The following RNF207 variants were observed in gnomAD, a reference collection of about 807,000 sequenced individuals.
The protein encoded by RNF207 is OTTHUMG00000001089.
A neutral mutation model predicts 79.0 loss-of-function variants in RNF207; 72 were observed. The ratio of observed to expected loss-of-function variants is 0.91; its 90% CI spans 0.75 to 1.11. The LOEUF is 1.11. Among genes scored for constraint, RNF207 ranks in the 50% least tolerant of loss-of-function variants. RNF207 has a pLI of 0.00. For missense variants in RNF207, 936 were observed against 855.8 expected (o/e 1.09, Z -1.17); for synonymous variants, 348 against 366.2 (o/e 0.95, Z 0.57).
At chr1:6,215,839 G>A (rs775676129) in intron 16 of RNF207, among the ~76,000 whole-genome samples, 1 of 152,146 alleles carries the variant, frequency 6.6e-6, no homozygotes, top group Non-Finnish European at 1.5e-5. Flanking sequence ...GCTTGTGTAG[G>A]TTTCTATCTT....
chr1:6,207,181 G>C lies in RNF207; in HGVS notation c.192-198G>C, dbSNP rs1166922321. 2.0e-5 allele frequency among the ~76,000 whole-genome samples: 3 copies of C among 152,320 alleles called. No homozygotes were observed. On this transcript the variant is annotated intron_variant, in intron 2 of 17. Transcript: ENST00000377939. This position sits in a 1 kb window ranked among gnomAD's most constrained non-coding sequence, Gnocchi z 4.5. ...TAGGGGACCAACCCCACTGTCTGCA[G>C]GAGTGCCCAGGACTGGGCAAGGGTA...
intron 6 of RNF207, 22 bp from the exon 7 acceptor site, chr1:6,209,392 C>A (rs1167805988): frequency 2.3e-5 from 35 of 1,524,060 alleles, no homozygotes; most frequent in Non-Finnish European, 3.0e-5. Flanking sequence ...CGATCGCGAG[C>A]CTGACCACGC....
In RNF207 at chr1:6,214,226, G is replaced by A. The variant is rs1424308293; in HGVS notation, c.1652+1043G>A. Among the ~76,000 whole-genome samples, 4 of 152,106 alleles carry A rather than the reference G, an allele frequency of 2.6e-5. No homozygotes were observed. The East Asian group carries it at 7.7e-4, about 29-fold the overall frequency. ...TGTTCATGAAGTCTGAAGGCACTCA[G>A]ACTCCTAACCCTTGTAATGCGACCT... On this transcript the variant is annotated intron_variant, in intron 16 of 17. Transcript: ENST00000377939.
Position 6,207,016 on chromosome 1 carries a change from G to C in RNF207, c.191+290G>C, listed in dbSNP as rs1163609843. The stretch of plus-strand genomic sequence containing the variant: ...CTCCAGCACTGGTCAGGACGCTCCC[G>C]GTTACTCGCTTGGGGGTCCTAGAAG... On this transcript the variant is annotated intron_variant, in intron 2 of 17. Coordinates refer to ENST00000377939, the MANE Select transcript of RNF207 (RefSeq NM_207396.3). This position sits in a 1 kb window ranked among gnomAD's most constrained non-coding sequence, Gnocchi z 4.5. Among the ~76,000 whole-genome samples the C allele has an allele frequency of 6.6e-6, 1 of 150,786 alleles. No homozygotes were observed. The highest frequency in any genetic ancestry group is 1.5e-5 in the Non-Finnish European group (1 of 67,362).
At position 6,208,838 on chromosome 1, in the gene RNF207, G is replaced by T. The variant is rs895971990; in HGVS notation, c.325-43G>T. 9 of 1,492,154 alleles carry T rather than the reference G, an allele frequency of 6.0e-6. No individual in the cohort carries two copies. The Admixed American group carries it at 1.2e-4, about 20-fold the overall frequency. The allele number at this position is 1,492,154 out of a possible 1,614,324, so 92.4% of individuals were successfully genotyped here. A position where few individuals can be genotyped will look rare whatever the true frequency, so the allele number is the denominator to read the frequency against. ...GGCGGCTGCGGTTCCCGCGCTGGCC[G>T]CGGTCGGGCTCTGGCGCTCCTGAGC... is the stretch of plus-strand genomic sequence containing the variant. On this transcript the variant is annotated intron_variant, in intron 3 of 17. Coordinates refer to ENST00000377939, the MANE Select transcript of RNF207 (RefSeq NM_207396.3).
chr1:6,208,020 G>C, intron 3 of RNF207: 1 of 313,336 alleles, frequency 3.2e-6, no homozygotes, highest in Non-Finnish European at 6.4e-6. Context: ...TTCTGGACAA[G>C]TGCTGAGCAA....
chr1:6,219,375 G>A lies in RNF207; in HGVS notation c.1873G>A (p.Asp625Asn), dbSNP rs748334709. The A allele has an allele frequency of 6.8e-6, 11 of 1,610,110 alleles. No homozygotes were observed. The highest frequency in any genetic ancestry group is 2.7e-5 in the African/African-American group (2 of 74,768). Residue 625 changes from aspartate to asparagine, a missense_variant, in exon 18 of 18, where the codon GAT becomes AAT. Coordinates refer to ENST00000377939, the MANE Select transcript of RNF207 (RefSeq NM_207396.3). ...HHRSKQKNGGDVPTWREHPT is the reference protein window; with the variant it reads ...HHRSKQKNGGNVPTWREHPT ...CAGATCCAAACAGAAAAATGGGGGC[G>A]ATGTCCCCACATGGAGGGAACACCC...
intron 16 of RNF207, among the ~76,000 whole-genome samples, chr1:6,214,436 T>G (rs1349347894): frequency 2.0e-5 from 3 of 151,884 alleles, no homozygotes; most frequent in African/African-American, 7.3e-5. Context: ...GGAGTCTTGC[T>G]CTGTTGCCGA....
intron 3 of RNF207, chr1:6,208,579 T>G: frequency 2.6e-6 from 1 of 381,944 alleles, no homozygotes; most frequent in Non-Finnish European, 4.7e-6. Flanking sequence ...ATTGTTGGGA[T>G]TACAGGCGTG....
chr1:6,208,648 G>C (rs12067847), intron 3 of RNF207: 53,606 of 513,124 alleles, frequency 0.1, 8,543 homozygotes, highest in African/African-American at 0.56. Flanking sequence ...CCCTCTCCCC[G>C]CGTCCCCCAC....
At position 6,210,392 on chromosome 1, in the gene RNF207, C is replaced by T; in HGVS notation, c.896C>T (p.Ser299Phe). 2 of 1,613,818 alleles carry T rather than the reference C, an allele frequency of 1.2e-6. No individual in the cohort carries two copies. The highest frequency in any genetic ancestry group is 1.7e-6 in the Non-Finnish European group (2 of 1,179,922). ...TLQVHLVICSSFLSLANKAEF... is the reference protein window; with the variant it reads ...TLQVHLVICSFFLSLANKAEF... The stretch of plus-strand genomic sequence containing the variant: ...CAGGTCCACCTGGTCATCTGCTCCT[C>T]CTTCCTCAGCTTGGCCAACAAGGCT... Residue 299 changes from serine (S) to phenylalanine (F), a missense_variant, in exon 10 of 18, where the codon TCC becomes TTC. Ser to Phe is a radical substitution (Grantham distance 155, BLOSUM62 -2). Transcript: ENST00000377939.
Position 6,206,165 on chromosome 1 carries a change from T to G in RNF207, c.-138T>G, listed in dbSNP as rs1228026922. On this transcript the variant is annotated 5_prime_UTR_variant, in exon 1 of 18. Transcript: ENST00000377939. Reference sequence around the variant, plus strand: ...TGGGAACCATCGCCCGGTGCGGGCCTGAACTTCCAGGGCCGGCTACTCCTC... The same window carrying G: ...TGGGAACCATCGCCCGGTGCGGGCCGGAACTTCCAGGGCCGGCTACTCCTC... 9.2e-6 allele frequency: 2 copies of G among 218,576 alleles called. No homozygotes were observed. The highest frequency in any genetic ancestry group is 1.8e-5 in the Non-Finnish European group (2 of 111,894). 13.5% of individuals were successfully genotyped at this position (218,576 alleles called of 1,614,324 possible).
intron 16 of RNF207, among the ~76,000 whole-genome samples, chr1:6,216,154 T>G (rs565015368): frequency 6.6e-6 from 1 of 152,276 alleles, no homozygotes; most frequent in South Asian, 2.1e-4. Context: ...AGACTTCGGC[T>G]GCAGTGGGAG....
rs1668298424 is a variant in RNF207 at position 6,214,630 on chromosome 1, C to CTTTCTTTTTTTTTTTTTTTT, written c.1652+1450_1652+1451insCTTTTTTTTTTTTTTTTTTT. Among the ~76,000 whole-genome samples, 3 of 70,628 alleles carry CTTTCTTTTTTTTTTTTTTTT rather than the reference C, an allele frequency of 4.2e-5. 1 individual carries two copies. Among genetic ancestry groups the CTTTCTTTTTTTTTTTTTTTT allele is most frequent in the Non-Finnish European group, 7.8e-5 (3 of 38,530 alleles). 46.3% of individuals were successfully genotyped at this position (70,628 alleles called of 152,430 possible). On this transcript the variant is annotated intron_variant, in intron 16 of 17. Coordinates refer to ENST00000377939, the MANE Select transcript of RNF207 (RefSeq NM_207396.3). The stretch of plus-strand genomic sequence containing the variant: ...GTTGGCCAGGCTGGAATATTTCTTT[C>CTTTCTTTTTTTTTTTTTTTT]TTTTTTTTTTTTTTTTTTTTTTTGA...
chr1:6,216,096 G>C (rs1439230694), intron 16 of RNF207, among the ~76,000 whole-genome samples: 2 of 152,128 alleles, frequency 1.3e-5, no homozygotes, highest in Non-Finnish European at 2.9e-5. Context: ...GGGTTTTCTG[G>C]TTTCAGTACA....
chr1:6,208,794 AAC>A (rs1668019868), intron 3 of RNF207, 85 bp from the exon 4 acceptor site: 8 of 1,382,990 alleles, frequency 5.8e-6, no homozygotes, highest in Non-Finnish European at 6.7e-6. Flanking sequence ...GGCTGGGACA[AAC>A]ACGCGCAGTG....
At chr1:6,216,930 C>A (rs1381316335) in intron 16 of RNF207, among the ~76,000 whole-genome samples, 2 of 152,078 alleles carry the variant, frequency 1.3e-5, no homozygotes, top group Non-Finnish European at 2.9e-5. Context: ...AGTGCAGTGG[C>A]TCAATCACAG....
At chr1:6,208,706 C>T (rs1668015938) in intron 3 of RNF207, 175 bp from the exon 4 acceptor site, 3 of 632,366 alleles carry the variant, frequency 4.7e-6, no homozygotes, top group Non-Finnish European at 7.9e-6. Context: ...CAGTGCCCTC[C>T]TCTGTAAAGT....
In RNF207 at chr1:6,219,269, GAA is replaced by G. The variant is rs1668467652; in HGVS notation, c.1768_1769del (p.Lys590AspfsTer5). The G allele has an allele frequency of 6.2e-7, 1 of 1,612,610 alleles. No homozygotes were observed. Among genetic ancestry groups the G allele is most frequent in the South Asian group, 1.1e-5 (1 of 90,908 alleles). Reference protein sequence around the residue: ...NPGSVPEKREKTSEPKGNSWA... With the variant: ...NPGSVPEKREXTSEPKGNSWA... The stretch of plus-strand genomic sequence containing the variant: ...CAGGAAGTGTCCCGGAAAAGAGAGA[GAA>G]GACATCAGAGCCTAAAGGAAACAGC... On this transcript the variant is annotated frameshift_variant, in exon 18 of 18. Transcript: ENST00000377939. LOFTEE classifies it low-confidence loss of function (END_TRUNC).
Sources: gnomAD v4.1 joint callset for allele counts (sites outside exome capture counted in the v4.1 genomes callset) on GRCh38, gnomAD v4.1.1 for gene constraint, Gnocchi (gnomAD v3.1) non-coding constraint, MANE v1.5 for transcripts, NCBI Gene and HGNC (gene_info 2026-07-23, HGNC 2026-07-21) for gene names.